Variants in LMBR1 observed in about 807,000 individuals in gnomAD.
LMBR1 encodes the protein limb region 1 protein homolog.
In LMBR1, 52 loss-of-function variants were observed where a neutral mutation model predicts 73.9. That is an observed-to-expected ratio of 0.70 (90% CI 0.56 to 0.89). The LOEUF (loss-of-function observed/expected upper bound fraction) is 0.89, where lower values mean the gene tolerates loss of function less well. Among genes scored for constraint, LMBR1 ranks in the 40% least tolerant of loss-of-function variants. LMBR1 has a pLI of 0.00. For missense variants in LMBR1, 539 were observed against 579.8 expected, an observed-to-expected ratio of 0.93 and a Z score of 0.72; for synonymous variants, 215 against 209.4, an observed-to-expected ratio of 1.03 and a Z score of -0.23.
intron 5 of LMBR1, among the ~76,000 whole-genome samples, chr7:156,773,758 A>C (rs962403028): frequency 2.0e-5 from 3 of 152,322 alleles, no homozygotes; most frequent in African/African-American, 4.8e-5. Flanking sequence ...CTGGAAAAAA[A>C]ACCTAGGAAA....
At chr7:156,830,414 A>G (rs1047366314) in intron 3 of LMBR1, among the ~76,000 whole-genome samples, 7 of 152,228 alleles carry the variant, frequency 4.6e-5, no homozygotes, top group African/African-American at 1.4e-4. Flanking sequence ...CAGGTTGATA[A>G]TATCTAATCA....
At chr7:156,799,045 A>C (rs1830503524) in intron 4 of LMBR1, among the ~76,000 whole-genome samples, 1 of 151,622 alleles carries the variant, frequency 6.6e-6, no homozygotes, top group South Asian at 2.1e-4. Context: ...TACAAAAAAA[A>C]AAAAAAATTA....
chr7:156,740,152 GAAGA>G (rs1474816737), intron 9 of LMBR1, among the ~76,000 whole-genome samples: 4 of 152,010 alleles, frequency 2.6e-5, no homozygotes, highest in African/African-American at 9.7e-5. Flanking sequence ...TGATCAAGCA[GAAGA>G]AAGAACTGGT....
intron 4 of LMBR1, among the ~76,000 whole-genome samples, chr7:156,800,478 T>C (rs1022294923): frequency 7.0e-5 from 4 of 57,184 alleles, no homozygotes; most frequent in Admixed American, 4.3e-4. Flanking sequence ...TAAGACTTGC[T>C]ACTCAAAAAA....
At chr7:156,715,330 A>G (rs1812984537) in intron 15 of LMBR1, among the ~76,000 whole-genome samples, 1 of 151,774 alleles carries the variant, frequency 6.6e-6, no homozygotes. Context: ...GGCTTTGGAT[A>G]TATTCCAAAA....
intron 1 of LMBR1, among the ~76,000 whole-genome samples, chr7:156,878,155 C>T (rs1289141552): frequency 6.6e-6 from 1 of 152,100 alleles, no homozygotes; most frequent in Non-Finnish European, 1.5e-5. Flanking sequence ...GAAAAGGATG[C>T]CCACTCTCAC....
At chr7:156,811,285 C>CT (rs1833050144) in intron 4 of LMBR1, among the ~76,000 whole-genome samples, 1 of 151,986 alleles carries the variant, frequency 6.6e-6, no homozygotes, top group Admixed American at 6.6e-5. Context: ...AACATTTCCT[C>CT]TAAGTTTCTG....
intron 2 of LMBR1, chr7:156,834,745 T>C (rs1837301403): frequency 6.3e-6 from 1 of 159,548 alleles, no homozygotes; most frequent in African/African-American, 2.4e-5. Context: ...CTTTTTTAAG[T>C]AGCAGATGGT....
rs1258919514 is a variant in LMBR1, at chr7:156,669,904, G to C, written n.867-617C>G. 6.6e-6 allele frequency among the ~76,000 whole-genome samples: 1 copy of C among 152,164 alleles called. No homozygotes were observed. Among genetic ancestry groups the C allele is most frequent in the Admixed American group, 6.5e-5 (1 of 15,284 alleles). On this transcript the variant is annotated intron_variant and non_coding_transcript_variant, in intron 4 of 4. Transcript: ENST00000430825. This position sits in a 1 kb window ranked among gnomAD's most constrained non-coding sequence, Gnocchi z 4.2. ...GGTGACAGGAGGGCGGGCGGTCATG[G>C]CCTAGTGCCATGAAAATGAAACACA...
intron 10 of LMBR1, among the ~76,000 whole-genome samples, chr7:156,732,006 C>G (rs1816924030): frequency 6.6e-6 from 1 of 151,304 alleles, no homozygotes; most frequent in Non-Finnish European, 1.5e-5. Flanking sequence ...AAACTAGAAG[C>G]AAATCTAATA....
At chr7:156,696,208 A>T (rs1808250257) in intron 15 of LMBR1, among the ~76,000 whole-genome samples, 1 of 152,240 alleles carries the variant, frequency 6.6e-6, no homozygotes, top group Non-Finnish European at 1.5e-5. Flanking sequence ...AAATTTAATA[A>T]ATTTGACTTC....
At chr7:156,815,007 T>G (rs756391392) in intron 4 of LMBR1, among the ~76,000 whole-genome samples, 1 of 151,660 alleles carries the variant, frequency 6.6e-6, no homozygotes, top group Non-Finnish European at 1.5e-5. Context: ...AAATACAAAA[T>G]TAGCCAGGCA....
chr7:156,833,471 A>G, intron 3 of LMBR1: 1 of 379,340 alleles, frequency 2.6e-6, no homozygotes, highest in Non-Finnish European at 4.7e-6. Flanking sequence ...TCAAACAGCC[A>G]AGAGTCTTCT....
At chr7:156,856,392 G>A (rs1796977232) in intron 1 of LMBR1, among the ~76,000 whole-genome samples, 1 of 151,988 alleles carries the variant, frequency 6.6e-6, no homozygotes, top group Non-Finnish European at 1.5e-5. Context: ...ATGACCACAG[G>A]ACAGAAATTC....
chr7:156,833,981 T>TAG (rs752534094), intron 2 of LMBR1, among the ~76,000 whole-genome samples, 189 bp from the exon 3 acceptor site: 16 of 152,300 alleles, frequency 1.1e-4, no homozygotes, highest in East Asian at 3.9e-4. Flanking sequence ...GTATGGTATA[T>TAG]AGAGAATGGG....
intron 1 of LMBR1, among the ~76,000 whole-genome samples, chr7:156,858,415 G>A (rs987889358): frequency 4.6e-5 from 7 of 152,142 alleles, no homozygotes; most frequent in Admixed American, 6.5e-5. Flanking sequence ...GTCTATTAAA[G>A]AAACCGAATC....
chr7:156,824,096 C>A (rs1305132916), intron 4 of LMBR1, among the ~76,000 whole-genome samples: 3 of 42,214 alleles, frequency 7.1e-5, no homozygotes, highest in Admixed American at 2.8e-4. Context: ...TCTCAAAAAA[C>A]AACAACAACA....
At chr7:156,872,684 G>A (rs1799482984) in intron 1 of LMBR1, among the ~76,000 whole-genome samples, 1 of 151,306 alleles carries the variant, frequency 6.6e-6, no homozygotes, top group South Asian at 2.1e-4. Flanking sequence ...ACTTAATTAA[G>A]GAGGTGAAAG....
rs1331225134 is a variant in LMBR1 at position 156,680,399 on chromosome 7, A to AGTGTGTGTGTGTGTGTGTGTGTGT, written c.*3678_*3679insACACACACACACACACACACACAC. ...GACAGAGAGAGAGAGAGAGAGAGAG[A>AGTGTGTGTGTGTGTGTGTGTGTGT]GAGAGTGTGTGTGTGTGTGTGTGTG... On this transcript the variant is annotated 3_prime_UTR_variant, in exon 17 of 17. Transcript: ENST00000353442. The AGTGTGTGTGTGTGTGTGTGTGTGT allele has an allele frequency of 5.8e-4, 79 of 136,642 alleles. No homozygotes were observed. Among genetic ancestry groups the AGTGTGTGTGTGTGTGTGTGTGTGT allele is most frequent in the African/African-American group, 2.1e-3 (73 of 34,016 alleles). 8.5% of individuals were successfully genotyped at this position (136,642 alleles called of 1,614,324 possible).
Sources: allele counts gnomAD v4.1 joint callset (sites outside exome capture counted in the v4.1 genomes callset), GRCh38; gene constraint gnomAD v4.1.1; non-coding constraint Gnocchi (gnomAD v3.1); transcripts MANE v1.5; gene names NCBI Gene and HGNC (gene_info 2026-07-23, HGNC 2026-07-21).